MS4A4E: variants seen among roughly 807,000 people sequenced by gnomAD.
MS4A4E encodes the protein membrane spanning 4-domains A4E.
In MS4A4E, 23 loss-of-function variants were observed where a neutral mutation model predicts 13.3. That is an observed-to-expected ratio of 1.73 (90% CI 1.25 to 2.45). The LOEUF (loss-of-function observed/expected upper bound fraction) is 2.45. MS4A4E is among the 30% of genes most tolerant of loss of function. The probability of loss-of-function intolerance (pLI) is 0.00; values close to 1 mark genes in which losing one functional copy is unlikely to be tolerated. For missense variants in MS4A4E, 144 were observed against 131.2 expected, an observed-to-expected ratio of 1.10 and a Z score of -0.48; for synonymous variants, 36 against 45.6, an observed-to-expected ratio of 0.79 and a Z score of 0.85.
chr11:60,219,655 C>A (rs527634257), intron 3 of MS4A4E, among the ~76,000 whole-genome samples: 1 of 152,152 alleles, frequency 6.6e-6, no homozygotes, highest in Non-Finnish European at 1.5e-5. Flanking sequence ...AAGAAGGATC[C>A]CACTATACTA....
chr11:60,227,232 G>T (rs2084354816), intron 3 of MS4A4E, among the ~76,000 whole-genome samples: 1 of 152,172 alleles, frequency 6.6e-6, no homozygotes, highest in South Asian at 2.1e-4. Context: ...AATTTAATCT[G>T]TAGATTTAAT....
chr11:60,236,184 C>A (rs953766306), intron 1 of MS4A4E, among the ~76,000 whole-genome samples: 1 of 152,292 alleles, frequency 6.6e-6, no homozygotes, highest in South Asian at 2.1e-4. Context: ...TATGCCAATA[C>A]CACACTGTCT....
At chr11:60,203,814 G>T (rs1653483101) in intron 8 of MS4A4E, among the ~76,000 whole-genome samples, 1 of 152,102 alleles carries the variant, frequency 6.6e-6, no homozygotes, top group South Asian at 2.1e-4. Context: ...AGAAGGCAAA[G>T]TTTTCATGGA....
intron 4 of MS4A4E, 103 bp from the exon 5 acceptor site, chr11:60,213,235 C>T (rs1453626389): frequency 4.7e-6 from 7 of 1,493,512 alleles, no homozygotes; most frequent in Non-Finnish European, 6.3e-6. Context: ...TTTCAATAGT[C>T]TTCTAACTTG....
At chr11:60,235,956 A>T (rs535612868) in intron 1 of MS4A4E, among the ~76,000 whole-genome samples, 5 of 152,336 alleles carry the variant, frequency 3.3e-5, no homozygotes, top group African/African-American at 1.2e-4. Context: ...TGGTGTAAGA[A>T]AGTGTCCAAC....
intron 6 of MS4A4E, among the ~76,000 whole-genome samples, chr11:60,206,501 G>GTATATATATATATGTA (rs1163401845): frequency 2.1e-4 from 17 of 80,766 alleles, no homozygotes; most frequent in Non-Finnish European, 3.7e-4. Context: ...ATATATATAC[G>GTATATATATATATGTA]TATATATATA....
intron 7 of MS4A4E, among the ~76,000 whole-genome samples, chr11:60,205,330 G>T (rs1319445772): frequency 6.6e-6 from 1 of 152,008 alleles, no homozygotes; most frequent in African/African-American, 2.4e-5. Context: ...CAAGAGGAAG[G>T]ATATTATCTC....
intron 1 of MS4A4E, among the ~76,000 whole-genome samples, chr11:60,238,406 T>C (rs913614297): frequency 1.3e-5 from 2 of 152,064 alleles, no homozygotes; most frequent in African/African-American, 4.8e-5. Flanking sequence ...TCAGTTTTAG[T>C]AGTATCTTCA....
intron 3 of MS4A4E, among the ~76,000 whole-genome samples, chr11:60,215,415 T>G (rs2084180595): frequency 6.6e-6 from 1 of 151,366 alleles, no homozygotes; most frequent in Admixed American, 6.6e-5. Flanking sequence ...TATTGAAATA[T>G]TCTAATATAT....
chr11:60,229,807 G>T, intron 2 of MS4A4E, 105 bp downstream of exon 2: 1 of 1,135,124 alleles, frequency 8.8e-7, no homozygotes, highest in Non-Finnish European at 1.2e-6. Context: ...ACTAGGGCTG[G>T]TTGATGTATT....
Position 60,218,068 on chromosome 11 carries a change from C to T in MS4A4E, c.179-3454G>A, listed in dbSNP as rs182089371. ...GAACATCCCTGGGAAAGAGAATACG[C>T]GCCTGGGGGTATAGGCCTATAAATG... On this transcript the variant is annotated intron_variant, in intron 3 of 8. Transcript: ENST00000651255. 3.7e-4 allele frequency among the ~76,000 whole-genome samples: 57 copies of T among 152,198 alleles called. No homozygotes were observed. In the East Asian group the frequency reaches 7.9e-3, roughly 21 times the overall value.
intron 3 of MS4A4E, among the ~76,000 whole-genome samples, chr11:60,225,568 T>C (rs997225811): frequency 2.0e-5 from 3 of 152,176 alleles, no homozygotes; most frequent in African/African-American, 7.2e-5. Context: ...GTTCTTAAAA[T>C]AGGAGCTGGA....
chr11:60,216,611 A>G (rs1017325438), intron 3 of MS4A4E, among the ~76,000 whole-genome samples: 24 of 150,454 alleles, frequency 1.6e-4, no homozygotes, highest in Admixed American at 8.6e-4. Flanking sequence ...TATATTATAT[A>G]TATAGGTTAT....
chr11:60,217,811 G>A lies in MS4A4E; in HGVS notation c.179-3197C>T, dbSNP rs186143086. Among the ~76,000 whole-genome samples, 48 of 152,134 alleles carry A rather than the reference G, an allele frequency of 3.2e-4. No individual in the cohort carries two copies. In the East Asian group the frequency reaches 5.8e-3, roughly 18 times the overall value. ...CTGTCAGCTGAGGAAGATGTAAGTC[G>A]CCTCAGGACCCTGTAATAATTGCAT... On this transcript the variant is annotated intron_variant, in intron 3 of 8. Transcript: ENST00000651255.
At chr11:60,216,520 G>A (rs1269524278) in intron 3 of MS4A4E, among the ~76,000 whole-genome samples, 1 of 151,762 alleles carries the variant, frequency 6.6e-6, no homozygotes, top group Admixed American at 6.6e-5. Context: ...GAAATAAAAA[G>A]TACACATAAA....
rs1293792857 is a variant in MS4A4E, at chr11:60,208,651, C to T, written c.425G>A (p.Cys142Tyr). The T allele has an allele frequency of 1.4e-6, 2 of 1,477,360 alleles. No individual in the cohort carries two copies. The highest frequency in any genetic ancestry group is 1.9e-6 in the Non-Finnish European group (2 of 1,065,468). The allele number at this position is 1,477,360 out of a possible 1,614,324, so 91.5% of individuals were successfully genotyped here. Reference sequence around the variant, plus strand: ...AAAGGCAGAGAGGGCCACAGCAATGCAGAATTCCAGCACACTTAAGAGGAG... The same window carrying T: ...AAAGGCAGAGAGGGCCACAGCAATGTAGAATTCCAGCACACTTAAGAGGAG... Reference protein sequence around the residue: ...MVLLLSVLEFCIAVALSAFGC... With the variant: ...MVLLLSVLEFYIAVALSAFGC... Residue 142 changes from cysteine (C) to tyrosine (Y), a missense_variant, in exon 6 of 9, where the codon TGC (cysteine) becomes TAC (tyrosine). Cys to Tyr is a radical substitution (Grantham distance 194). Coordinates refer to ENST00000651255, the MANE Select transcript of MS4A4E (RefSeq NM_001393391.1).
In MS4A4E at chr11:60,243,112, C is replaced by T; in HGVS notation, c.-171G>A. ...CTCCTTTTCTAGTAGATGTTTGGAA[C>T]CTTAAAGGATGTGTTGAGAACTTCT... is the stretch of plus-strand genomic sequence containing the variant. On this transcript the variant is annotated 5_prime_UTR_variant, in exon 1 of 9. Transcript: ENST00000651255. 1.8e-6 allele frequency: 1 copy of T among 553,404 alleles called. No individual in the cohort carries two copies. The highest frequency in any genetic ancestry group is 3.2e-5 in the East Asian group (1 of 31,726). The allele number at this position is 553,404 out of a possible 1,614,324, so 34.3% of individuals were successfully genotyped here. A position where few individuals can be genotyped will look rare whatever the true frequency, so the allele number is the denominator to read the frequency against.
chr11:60,229,806 GGTTGAT>G, intron 2 of MS4A4E, 100 bp downstream of exon 2: 1 of 1,115,512 alleles, frequency 9.0e-7, no homozygotes. Flanking sequence ...TACTAGGGCT[GGTTGAT>G]GTATTATGAG....
chr11:60,230,172 C>T (rs2084390871), intron 1 of MS4A4E, 101 bp from the exon 2 acceptor site: 1 of 1,258,994 alleles, frequency 7.9e-7, no homozygotes, highest in Non-Finnish European at 1.1e-6. Context: ...ACCTGGTCTA[C>T]ATTCCCCTCC....
Sources: allele counts gnomAD v4.1 joint callset (sites outside exome capture counted in the v4.1 genomes callset), GRCh38; gene constraint gnomAD v4.1.1; transcripts MANE v1.5; gene names NCBI Gene and HGNC (gene_info 2026-07-23, HGNC 2026-07-21).